The following KRT28 variants were observed in gnomAD, a reference collection of about 807,000 sequenced individuals.
KRT28 encodes keratin 28, also known as keratin, type I cytoskeletal 28.
KRT28 carries 45 observed loss-of-function variants against 48.1 expected under a neutral mutation model. The ratio of observed to expected loss-of-function variants is 0.94; its 90% CI spans 0.74 to 1.20. The LOEUF is 1.20. Among genes scored for constraint, KRT28 ranks in the 50% most tolerant of loss-of-function variants. The probability of loss-of-function intolerance (pLI) is 0.00; values close to 1 mark genes in which losing one functional copy is unlikely to be tolerated. For synonymous variants in KRT28, 228 were observed against 227.4 expected (o/e 1.00, Z -0.03); for missense variants, 571 against 574.1 (o/e 0.99, Z 0.06).
At chr17:40,792,614 A>C (rs2143064533) in intron 7 of KRT28, 45 bp from the exon 8 acceptor site, 1 of 1,438,006 alleles carries the variant, frequency 7.0e-7, no homozygotes, top group East Asian at 2.3e-5. Context: ...CAAAAAGATT[A>C]CATGACAATT....
In KRT28 at chr17:40,797,133, C is replaced by G. The variant is rs1375349951; in HGVS notation, c.839G>C (p.Trp280Ser). 1.9e-6 allele frequency: 3 copies of G among 1,613,902 alleles called. No individual in the cohort carries two copies. The highest frequency in any genetic ancestry group is 2.5e-6 in the Non-Finnish European group (3 of 1,179,872). Residue 280 changes from tryptophan (W) to serine (S), a missense_variant, in exon 4 of 8, where the codon TGG becomes TCG. Transcript: ENST00000306658. ...GGCCCACCTCACCTTCTCATTGAAC[C>G]AGGCCTCCGCGTCCTTGCGGTTCTG... ...AEQNRKDAEA[W>S]FNEKSASLQQ... is the part of the protein sequence containing the mutation.
chr17:40,792,498 T>A lies in KRT28; in HGVS notation c.1324A>T (p.Arg442Trp). 1 of 1,613,564 alleles carries A rather than the reference T, an allele frequency of 6.2e-7. No homozygotes were observed. The highest frequency in any genetic ancestry group is 1.1e-5 in the South Asian group (1 of 91,022). The part of the protein sequence containing the change: ...LDQRGKVLSS[R>W]IHSIEEKTSK... ...GTCTTTTCTTCAATGGAGTGAATCC[T>A]TGATGAAAGAACTTTACCACGTTGA... The change falls in exon 8 of 8, where the codon AGG becomes TGG. Residue 442 changes from arginine (R) to tryptophan (W), a missense_variant. Arg to Trp is a moderately radical substitution (Grantham distance 101). Coordinates refer to ENST00000306658, the MANE Select transcript of KRT28 (RefSeq NM_181535.3).
rs1397933956 is a variant in KRT28 at position 40,793,159 on chromosome 17, A to T, written c.1248T>A (p.Ser416=). Residue 416 remains serine, a synonymous_variant, in exon 7 of 8, where the codon TCT becomes TCA. Coordinates refer to ENST00000306658, the MANE Select transcript of KRT28 (RefSeq NM_181535.3). ...GFGSGSPGNS[S]KDLSKTTLVK... is the part of the protein sequence containing the mutation. ...AATAGAACTAGATTTTATTACCTTT[A>T]GATGAATTCCCAGGGCTTCCTGATC... 3 of 1,555,502 alleles carry T rather than the reference A, an allele frequency of 1.9e-6. No homozygotes were observed. The highest frequency in any genetic ancestry group is 1.9e-5 in the Admixed American group (1 of 52,428).
chr17:40,794,070 G>T (rs1904555273), intron 5 of KRT28, 24 bp from the exon 6 acceptor site: 1 of 1,612,896 alleles, frequency 6.2e-7, no homozygotes, highest in Non-Finnish European at 8.5e-7. Flanking sequence ...AGAAGCCGTG[G>T]CAAGGGATGA....
chr17:40,798,525 A>C, intron 2 of KRT28, 134 bp from the exon 3 acceptor site: 1 of 948,080 alleles, frequency 1.1e-6, no homozygotes, highest in Non-Finnish European at 1.5e-6. Flanking sequence ...TATATGAAGA[A>C]AGCGCTCCTG....
intron 5 of KRT28, among the ~76,000 whole-genome samples, chr17:40,796,192 G>A (rs1336071755): frequency 6.6e-6 from 1 of 152,224 alleles, no homozygotes; most frequent in Non-Finnish European, 1.5e-5. Flanking sequence ...AACCTCTTAT[G>A]GGGAAGGGAG....
Position 40,793,941 on chromosome 17 carries a change from C to G in KRT28, c.1084G>C (p.Val362Leu). 1 of 1,613,968 alleles carries G rather than the reference C, an allele frequency of 6.2e-7. No individual in the cohort carries two copies. Among genetic ancestry groups the G allele is most frequent in the Non-Finnish European group, 8.5e-7 (1 of 1,179,868 alleles). ...IGALEEQLHQ[V>L]RTETEGQKLE... is the part of the protein sequence containing the mutation. ...TTCTGGCCCTCGGTCTCGGTTCTGA[C>G]CTGGTGCAGCTGCTCCTCCAGGGCC... The change falls in exon 6 of 8, where the codon GTC (valine) becomes CTC (leucine). Residue 362 changes from valine to leucine, a missense_variant. Transcript: ENST00000306658.
chr17:40,799,912 C>A lies in KRT28; in HGVS notation c.-19G>T. ...GAGACATGGTGTTTTGAGAAATGTT[C>A]ACCTTGTCTATGCAAAACTGTAATG... is the stretch of plus-strand genomic sequence containing the variant. On this transcript the variant is annotated 5_prime_UTR_variant, in exon 1 of 8. Transcript: ENST00000306658. 6.3e-7 allele frequency: 1 copy of A among 1,577,250 alleles called. No homozygotes were observed. The highest frequency in any genetic ancestry group is 8.7e-7 in the Non-Finnish European group (1 of 1,154,878).
intron 6 of KRT28, 40 bp from the exon 7 acceptor site, chr17:40,793,250 T>A (rs1904532618): frequency 7.9e-7 from 1 of 1,273,576 alleles, no homozygotes; most frequent in Non-Finnish European, 1.1e-6. Context: ...TATTTCTGCT[T>A]ACTATCGCTT....
At chr17:40,795,859 T>TGCTGC (rs1904601188) in intron 5 of KRT28, among the ~76,000 whole-genome samples, 1 of 152,060 alleles carries the variant, frequency 6.6e-6, no homozygotes, top group South Asian at 2.1e-4. Flanking sequence ...CTCAGGGATC[T>TGCTGC]AGTTCAGGGA....
rs774266610 is a variant in KRT28, at chr17:40,797,206, C to A, written c.766G>T (p.Ala256Ser). The change falls in exon 4 of 8, where the codon GCG (alanine) becomes TCG (serine). Residue 256 changes from alanine (A) to serine (S), a missense_variant. Ala to Ser is a moderately conservative substitution (Grantham distance 99). Coordinates refer to ENST00000306658, the MANE Select transcript of KRT28 (RefSeq NM_181535.3). ...EMNAAPGVDL[A>S]VLLNNMRAEY... ...GCTCGCATGTTGTTCAACAAAACCGCGAGGTCTACCCCCGGGGCCGCGTTC... is the reference window on the plus strand; with the variant it reads ...GCTCGCATGTTGTTCAACAAAACCGAGAGGTCTACCCCCGGGGCCGCGTTC... 1 of 1,614,148 alleles carries A rather than the reference C, an allele frequency of 6.2e-7. No homozygotes were observed.
In KRT28 at chr17:40,798,388, A is replaced by C. The variant is rs1399447216; in HGVS notation, c.537T>G (p.Tyr179Ter). Residue 179 changes from tyrosine to a stop codon, truncating the protein, a stop_gained, in exon 3 of 8, where the codon TAT becomes TAG. Transcript: ENST00000306658. LOFTEE classifies it high-confidence loss of function. ...TTTGGTGAAGGGTGAGCTCATTTTC[A>C]TACCTTGGGGGGCATTTAAGTGAAT... ...RLAADDFRLK[Y>*]ENELTLHQNV... The C allele has an allele frequency of 1.4e-5, 23 of 1,602,866 alleles. No homozygotes were observed. Among genetic ancestry groups the C allele is most frequent in the Non-Finnish European group, 1.7e-5 (20 of 1,172,964 alleles).
chr17:40,798,516 A>G, intron 2 of KRT28, 125 bp from the exon 3 acceptor site: 3 of 1,055,086 alleles, frequency 2.8e-6, no homozygotes, highest in Middle Eastern at 3.2e-4. Context: ...GTATAAAAAT[A>G]TATGAAGAAA....
intron 6 of KRT28, 61 bp downstream of exon 6, chr17:40,793,768 G>T: frequency 1.3e-6 from 2 of 1,515,304 alleles, no homozygotes; most frequent in Non-Finnish European, 1.8e-6. Context: ...AAGGCTAATG[G>T]GCAGCCCACA....
intron 4 of KRT28, 23 bp downstream of exon 4, chr17:40,797,097 C>A: frequency 6.2e-7 from 1 of 1,612,252 alleles, no homozygotes; most frequent in Middle Eastern, 1.7e-4. Context: ...GAGGTGTGAG[C>A]AGGGAGACGG....
In KRT28 at chr17:40,798,951, T is replaced by A; in HGVS notation, c.499A>T (p.Asn167Tyr). The change falls in exon 2 of 8, where the codon AAT (asparagine) becomes TAT (tyrosine). Residue 167 changes from asparagine (N) to tyrosine (Y), a missense_variant. Transcript: ENST00000306658. Reference protein sequence around the residue: ...TNANVILQIDNARLAADDFRL... With the variant: ...TNANVILQIDYARLAADDFRL... The stretch of plus-strand genomic sequence containing the variant: ...AAATCATCAGCAGCCAGTCTGGCAT[T>A]ATCAATCTGCAGAATGACATTAGCA... 1 of 1,608,990 alleles carries A rather than the reference T, an allele frequency of 6.2e-7. No individual in the cohort carries two copies. Among genetic ancestry groups the A allele is most frequent in the Non-Finnish European group, 8.5e-7 (1 of 1,177,528 alleles).
chr17:40,793,165 A>G lies in KRT28; in HGVS notation c.1242T>C (p.Asn414=), dbSNP rs1355125676. 6.4e-7 allele frequency: 1 copy of G among 1,563,498 alleles called. No homozygotes were observed. Residue 414 remains asparagine (N), a synonymous_variant, in exon 7 of 8, where the codon AAT becomes AAC. Transcript: ENST00000306658. ...SKGFGSGSPG[N]SSKDLSKTTL... ...ACTAGATTTTATTACCTTTAGATGA[A>G]TTCCCAGGGCTTCCTGATCCAAAGC... is the stretch of plus-strand genomic sequence containing the variant.
At chr17:40,794,467 G>T (rs916986927) in intron 5 of KRT28, among the ~76,000 whole-genome samples, 1 of 152,198 alleles carries the variant, frequency 6.6e-6, no homozygotes, top group East Asian at 1.9e-4. Context: ...GATCCACTCC[G>T]CTAGTGTTCC....
intron 5 of KRT28, 146 bp from the exon 6 acceptor site, chr17:40,794,192 G>T: frequency 5.0e-6 from 5 of 1,002,730 alleles, no homozygotes; most frequent in South Asian, 4.9e-5. Context: ...AAGAAAGGAG[G>T]CTGGCATTTA....
Sources: gnomAD v4.1 joint callset for allele counts (sites outside exome capture counted in the v4.1 genomes callset) on GRCh38, gnomAD v4.1.1 for gene constraint, MANE v1.5 for transcripts, NCBI Gene and HGNC (gene_info 2026-07-23, HGNC 2026-07-21) for gene names.